TENM2: variants seen among roughly 807,000 people sequenced by gnomAD.
The protein encoded by TENM2 is teneurin-2.
In TENM2, 52 loss-of-function variants were observed where a neutral mutation model predicts 245.2. The observed-to-expected ratio is 0.21, with a 90% CI of 0.17 to 0.27. The LOEUF (loss-of-function observed/expected upper bound fraction) is 0.27. Among genes scored for constraint, TENM2 ranks in the 10% least tolerant of loss-of-function variants. TENM2 has a pLI of 1.00. For missense variants in TENM2, 3,046 were observed against 3,666.8 expected (o/e 0.83, Z 4.37); for synonymous variants, 1,363 against 1,438.9 (o/e 0.95, Z 1.19).
intron 1 of TENM2, among the ~76,000 whole-genome samples, chr5:167,369,057 A>G (rs1760242690): frequency 6.6e-6 from 1 of 152,058 alleles, no homozygotes; most frequent in Admixed American, 6.5e-5. Context: ...GCTCCTTGCT[A>G]CAGCAGGCTG....
chr5:167,652,907 C>T (rs1254459974), intron 2 of TENM2, among the ~76,000 whole-genome samples: 4 of 152,192 alleles, frequency 2.6e-5, no homozygotes, highest in African/African-American at 9.7e-5. Flanking sequence ...GATGTCTGGG[C>T]TCCCAACATT....
chr5:167,799,577 C>T (rs900810856), intron 2 of TENM2, among the ~76,000 whole-genome samples: 34 of 152,296 alleles, frequency 2.2e-4, no homozygotes, highest in African/African-American at 7.9e-4. Flanking sequence ...AATACAAGGA[C>T]TAACTTTTAG....
At chr5:167,686,395 T>G (rs569590805) in intron 2 of TENM2, among the ~76,000 whole-genome samples, 1 of 152,342 alleles carries the variant, frequency 6.6e-6, no homozygotes, top group South Asian at 2.1e-4. Flanking sequence ...AGAGCATTTT[T>G]TAAGAGTCAT....
intron 2 of TENM2, among the ~76,000 whole-genome samples, chr5:167,795,164 G>A (rs1458694733): frequency 2.0e-5 from 3 of 152,186 alleles, no homozygotes; most frequent in Admixed American, 2.0e-4. Flanking sequence ...CTGAATGCCA[G>A]ACTGGAGAAT....
the TENM2 span, among the ~76,000 whole-genome samples, chr5:167,275,432 C>A: frequency 6.6e-6 from 1 of 152,066 alleles, no homozygotes. Flanking sequence ...TTCATTCAAT[C>A]TGTATAACAA....
chr5:168,186,033 C>T (rs963717831), intron 13 of TENM2: 46 of 146,214 alleles, frequency 3.1e-4, no homozygotes, highest in Non-Finnish European at 1.6e-4. Flanking sequence ...TATTCTTCAT[C>T]ACATAACCCT....
the TENM2 span, among the ~76,000 whole-genome samples, chr5:166,982,332 A>C: frequency 6.6e-6 from 1 of 152,098 alleles, no homozygotes. Context: ...TAGCTACTGA[A>C]TGTTTCTTAA....
At chr5:168,162,709 A>G in exon 13 of TENM2, 1 of 1,614,016 alleles carries the variant, frequency 6.2e-7, no homozygotes, top group Non-Finnish European at 8.5e-7. Flanking sequence ...GCCCGGATGC[A>G]ACGTTGCCAT....
At chr5:167,898,859 A>G (rs1235193563) in intron 3 of TENM2, among the ~76,000 whole-genome samples, 2 of 152,164 alleles carry the variant, frequency 1.3e-5, no homozygotes, top group African/African-American at 2.4e-5. Flanking sequence ...AAAAGCAAGA[A>G]TGGGGATTGG....
rs9918242 is a variant in TENM2, at chr5:168,210,668, C to T, written c.3825-1066C>T. On this transcript the variant is annotated intron_variant, in intron 19 of 28. Transcript: ENST00000518659. ...TTGGAATAAAATATAAAAACGTAAT[C>T]CCTGTGCAAACCCACCACTAATGAT... 2.8e-3 allele frequency among the ~76,000 whole-genome samples: 429 copies of T among 150,942 alleles called. 3 individuals are homozygous for T. Among genetic ancestry groups the T allele is most frequent in the African/African-American group, 0.01 (412 of 41,090 alleles).
intron 2 of TENM2, among the ~76,000 whole-genome samples, chr5:167,674,427 A>G (rs1368292163): frequency 6.6e-6 from 1 of 152,158 alleles, no homozygotes; most frequent in African/African-American, 2.4e-5. Flanking sequence ...CAAATACAGA[A>G]ACCCATAACT....
At chr5:167,929,081 G>GAAAGA (rs1778041121) in intron 3 of TENM2, among the ~76,000 whole-genome samples, 25 of 73,174 alleles carry the variant, frequency 3.4e-4, no homozygotes, top group South Asian at 4.9e-4. Context: ...AAGAAAGAAA[G>GAAAGA]AAAGAAAGAA....
chr5:167,643,029 C>T (rs1201747167), intron 2 of TENM2, among the ~76,000 whole-genome samples: 1 of 152,204 alleles, frequency 6.6e-6, no homozygotes, highest in Non-Finnish European at 1.5e-5. Flanking sequence ...CAGCAGAAAG[C>T]TTCTCTCAAA....
intron 2 of TENM2, among the ~76,000 whole-genome samples, chr5:167,541,803 T>G (rs940787133): frequency 6.6e-6 from 1 of 152,218 alleles, no homozygotes; most frequent in African/African-American, 2.4e-5. Flanking sequence ...GAAATTATAC[T>G]GATTTTACAT....
At chr5:167,504,602 G>A (rs1270662154) in intron 2 of TENM2, among the ~76,000 whole-genome samples, 1 of 152,170 alleles carries the variant, frequency 6.6e-6, no homozygotes. Context: ...TAACCACTGG[G>A]AGGTGGAAGA....
chr5:168,008,798 C>T (rs954933767), intron 5 of TENM2, among the ~76,000 whole-genome samples: 7 of 152,178 alleles, frequency 4.6e-5, no homozygotes, highest in African/African-American at 1.7e-4. Context: ...CTTTAAATCA[C>T]CACTCACTTC....
At chr5:167,009,977 T>C in the TENM2 span, among the ~76,000 whole-genome samples, 976 of 152,344 alleles carry the variant, frequency 6.4e-3, 8 homozygotes, top group Non-Finnish European at 0.011. Context: ...TATAATTGAA[T>C]TTTTTATTGG....
intron 2 of TENM2, among the ~76,000 whole-genome samples, chr5:167,776,209 T>C (rs1487577842): frequency 1.6e-5 from 2 of 123,178 alleles, no homozygotes; most frequent in African/African-American, 3.6e-5. Flanking sequence ...AGCATTCTTA[T>C]CCTATATGAC....
At chr5:167,009,696 T>C in the TENM2 span, among the ~76,000 whole-genome samples, 9 of 152,144 alleles carry the variant, frequency 5.9e-5, no homozygotes, top group African/African-American at 2.2e-4. Flanking sequence ...AAAAATTTTT[T>C]TTTTCCCACT....
Sources: allele counts gnomAD v4.1 joint callset (sites outside exome capture counted in the v4.1 genomes callset), GRCh38; gene constraint gnomAD v4.1.1; transcripts MANE v1.5; gene names NCBI Gene and HGNC (gene_info 2026-07-23, HGNC 2026-07-21).